TRPC4AP: variants seen among roughly 807,000 people sequenced by gnomAD.
TRPC4AP encodes the protein short transient receptor potential channel 4-associated protein.
A neutral mutation model predicts 99.0 loss-of-function variants in TRPC4AP; 45 were observed. That is an observed-to-expected ratio of 0.45 (90% CI 0.36 to 0.58). The LOEUF is 0.58. Among genes scored for constraint, TRPC4AP ranks in the 20% least tolerant of loss-of-function variants. The pLI, the probability that TRPC4AP is intolerant of heterozygous loss-of-function variation, is 0.00. For missense variants in TRPC4AP, 879 were observed against 985.3 expected (o/e 0.89, Z 1.44); for synonymous variants, 408 against 385.8 (o/e 1.06, Z -0.67).
chr20:35,013,677 A>G (rs1267682459), intron 10 of TRPC4AP, among the ~76,000 whole-genome samples: 1 of 152,230 alleles, frequency 6.6e-6, no homozygotes, highest in Non-Finnish European at 1.5e-5. Context: ...AGTTTGGAAT[A>G]GTGAGCCAAG....
intron 10 of TRPC4AP, among the ~76,000 whole-genome samples, chr20:35,014,731 G>A (rs1171170028): frequency 2.6e-5 from 4 of 152,194 alleles, no homozygotes; most frequent in South Asian, 2.1e-4. Flanking sequence ...GAAGAGAAGA[G>A]GGCCCCATGG....
At chr20:35,084,291 A>G (rs544679421) in intron 1 of TRPC4AP, among the ~76,000 whole-genome samples, 1 of 152,116 alleles carries the variant, frequency 6.6e-6, no homozygotes, top group South Asian at 2.1e-4. Context: ...GGTATACACA[A>G]GGCAAAACAA....
chr20:35,021,552 C>T (rs748327816), intron 8 of TRPC4AP, among the ~76,000 whole-genome samples, 196 bp from the exon 9 acceptor site: 83 of 152,214 alleles, frequency 5.5e-4, no homozygotes, highest in Admixed American at 1.2e-3. Flanking sequence ...GAAAAATGGA[C>T]TCTGCAATAG....
At chr20:35,011,009 C>T (rs563184582) in intron 11 of TRPC4AP, among the ~76,000 whole-genome samples, 2 of 152,204 alleles carry the variant, frequency 1.3e-5, no homozygotes, top group African/African-American at 4.8e-5. Flanking sequence ...GTCTGTAATC[C>T]CAGCACTTTG....
At chr20:35,042,201 G>GTA (rs1555909293) in intron 7 of TRPC4AP, among the ~76,000 whole-genome samples, 1 of 152,198 alleles carries the variant, frequency 6.6e-6, no homozygotes, top group Non-Finnish European at 1.5e-5. Flanking sequence ...GGAAGACCTT[G>GTA]TATCTAGTGA....
At chr20:35,078,211 T>G (rs751525958) in intron 1 of TRPC4AP, 37 bp from the exon 2 acceptor site, 3 of 1,600,250 alleles carry the variant, frequency 1.9e-6, no homozygotes, top group Middle Eastern at 3.5e-4. Context: ...ATTATTGTAT[T>G]ATTGATGATA....
intron 2 of TRPC4AP, among the ~76,000 whole-genome samples, chr20:35,071,714 T>C (rs1392611254): frequency 6.6e-6 from 1 of 152,172 alleles, no homozygotes; most frequent in East Asian, 1.9e-4. Flanking sequence ...TCCAAGTCTT[T>C]TGCTATTGTG....
At chr20:35,027,930 T>A (rs2083069845) in intron 8 of TRPC4AP, among the ~76,000 whole-genome samples, 1 of 152,206 alleles carries the variant, frequency 6.6e-6, no homozygotes, top group East Asian at 1.9e-4. Context: ...ACTTTGTTGA[T>A]CTTTTTAAAG....
intron 13 of TRPC4AP, among the ~76,000 whole-genome samples, chr20:35,008,314 G>C (rs2295701): frequency 0.77 from 116,996 of 152,066 alleles, 45,354 homozygotes; most frequent in Middle Eastern, 0.83. Flanking sequence ...TTCCTTTGCT[G>C]CTATAGCTCC....
intron 11 of TRPC4AP, 70 bp downstream of exon 11, chr20:35,012,938 C>T: frequency 1.3e-6 from 2 of 1,530,260 alleles, no homozygotes. Context: ...GGTCAGGGAC[C>T]AGACAAGGAG....
intron 3 of TRPC4AP, among the ~76,000 whole-genome samples, chr20:35,064,821 T>A (rs890286921): frequency 2.0e-5 from 3 of 152,260 alleles, no homozygotes. Context: ...ACTATAACTT[T>A]AACATTATAT....
intron 8 of TRPC4AP, among the ~76,000 whole-genome samples, chr20:35,027,762 A>G (rs1444653949): frequency 6.6e-6 from 1 of 152,034 alleles, no homozygotes; most frequent in Non-Finnish European, 1.5e-5. Flanking sequence ...TAACTTGCTC[A>G]TTTCATCTAG....
rs1200632037 is a variant in TRPC4AP at position 35,078,172 on chromosome 20, G to A, written c.171C>T (p.Phe57=). Residue 57 remains phenylalanine (F), a splice_region_variant and synonymous_variant, in exon 2 of 19, where the codon TTC becomes TTT. Transcript: ENST00000252015. ...CCCTCTCCGTCAAAAAAGTCTCAGT[G>A]AACTGTGAGTCAAAAAAAGAGAGAA... ...TGRGLVRAVQ[F]TETFLTERDK... The A allele has an allele frequency of 1.2e-6, 2 of 1,612,658 alleles. No individual in the cohort carries two copies. Among genetic ancestry groups the A allele is most frequent in the African/African-American group, 2.7e-5 (2 of 74,862 alleles).
chr20:35,024,638 A>C (rs953790089), intron 8 of TRPC4AP, among the ~76,000 whole-genome samples: 1 of 151,974 alleles, frequency 6.6e-6, no homozygotes, highest in Non-Finnish European at 1.5e-5. Context: ...AGCTTGGGCA[A>C]CACAGCAAGA....
intron 1 of TRPC4AP, among the ~76,000 whole-genome samples, chr20:35,086,525 A>ATGTGTGTG (rs1176461079): frequency 1.2e-4 from 8 of 69,190 alleles, no homozygotes; most frequent in Non-Finnish European, 1.7e-4. Context: ...GTGTGTATAT[A>ATGTGTGTG]TGTGTGTGTG....
chr20:35,092,750 C>A lies in TRPC4AP; in HGVS notation c.32G>T (p.Gly11Val), dbSNP rs1478138929. The A allele has an allele frequency of 1.3e-6, 2 of 1,548,506 alleles. No individual in the cohort carries two copies. Among genetic ancestry groups the A allele is most frequent in the South Asian group, 1.2e-5 (1 of 86,106 alleles). Residue 11 changes from glycine to valine, a missense_variant, in exon 1 of 19, where the codon GGA (glycine) becomes GTA (valine). By Grantham distance (109) the Gly-to-Val change is moderately radical. Transcript: ENST00000252015. Reference protein sequence around the residue: MAAAPVAAGSGAGRGRRSAAT... With the variant: MAAAPVAAGSVAGRGRRSAAT... ...TGCCGACCGTCTCCCTCGGCCGGCT[C>A]CAGACCCAGCCGCTACCGGCGCCGC...
intron 8 of TRPC4AP, among the ~76,000 whole-genome samples, chr20:35,034,637 C>T (rs2083276801): frequency 2.0e-5 from 3 of 152,166 alleles, no homozygotes; most frequent in Admixed American, 6.5e-5. Flanking sequence ...GAGTCAAATG[C>T]TTTAAGGCTG....
chr20:35,027,220 T>G (rs1257981095), intron 8 of TRPC4AP, among the ~76,000 whole-genome samples: 1 of 152,214 alleles, frequency 6.6e-6, no homozygotes, highest in African/African-American at 2.4e-5. Context: ...TTTAACAGGC[T>G]GAGGAAGTTC....
At chr20:35,037,106 G>C (rs1180227258) in intron 7 of TRPC4AP, among the ~76,000 whole-genome samples, 1 of 152,138 alleles carries the variant, frequency 6.6e-6, no homozygotes, top group Non-Finnish European at 1.5e-5. Flanking sequence ...CAGCACTTTG[G>C]GAGGCCGAGG....
Sources: allele counts gnomAD v4.1 joint callset (sites outside exome capture counted in the v4.1 genomes callset), GRCh38; gene constraint gnomAD v4.1.1; transcripts MANE v1.5; gene names NCBI Gene and HGNC (gene_info 2026-07-23, HGNC 2026-07-21).